The following SLC44A5 variants were observed in gnomAD, a reference collection of about 807,000 sequenced individuals.
SLC44A5 encodes the protein choline transporter-like protein 5.
A neutral mutation model predicts 101.8 loss-of-function variants in SLC44A5; 57 were observed. The ratio of observed to expected loss-of-function variants is 0.56; its 90% CI spans 0.45 to 0.70. SLC44A5 has a LOEUF of 0.70. Among genes scored for constraint, SLC44A5 ranks in the 30% least tolerant of loss-of-function variants. The pLI is 0.00. For missense variants in SLC44A5, 737 were observed against 853.1 expected (o/e 0.86, Z 1.70); for synonymous variants, 281 against 290.9 (o/e 0.97, Z 0.35).
chr1:75,577,595 A>G (rs1673445115), intron 1 of SLC44A5, among the ~76,000 whole-genome samples: 1 of 152,192 alleles, frequency 6.6e-6, no homozygotes, highest in South Asian at 2.1e-4. Flanking sequence ...CCACATTCAT[A>G]CATCATACTC....
chr1:75,330,594 G>A (rs1264794108), intron 4 of SLC44A5, among the ~76,000 whole-genome samples: 1 of 151,912 alleles, frequency 6.6e-6, no homozygotes, highest in Non-Finnish European at 1.5e-5. Context: ...TGTCATCAGT[G>A]GCCTTCTAGA....
rs555841588 is a variant in SLC44A5 at position 75,465,339 on chromosome 1, C to A, written c.14-68718G>T. On this transcript the variant is annotated intron_variant, in intron 2 of 23. Coordinates refer to ENST00000370859, the MANE Select transcript of SLC44A5 (RefSeq NM_001130058.2). ...TGGGCCAATGAAGAAATTAAGAACACTGAAAATTTCTTGAAACGAATGATA... is the reference window on the plus strand; with the variant it reads ...TGGGCCAATGAAGAAATTAAGAACAATGAAAATTTCTTGAAACGAATGATA... 5.9e-5 allele frequency among the ~76,000 whole-genome samples: 9 copies of A among 152,062 alleles called. No individual in the cohort carries two copies. In the East Asian group the frequency reaches 1.7e-3, roughly 29 times the overall value.
At chr1:75,335,543 T>A (rs867143966) in intron 4 of SLC44A5, among the ~76,000 whole-genome samples, 1 of 152,134 alleles carries the variant, frequency 6.6e-6, no homozygotes, top group African/African-American at 2.4e-5. Flanking sequence ...GAGAGCAGGA[T>A]CCTTACATAG....
intron 2 of SLC44A5, among the ~76,000 whole-genome samples, chr1:75,419,152 C>T (rs561353835): frequency 1.3e-5 from 2 of 151,826 alleles, no homozygotes; most frequent in South Asian, 2.1e-4. Flanking sequence ...CAAATACATA[C>T]AATAAGAATC....
At chr1:75,303,401 A>G (rs1654658469) in intron 4 of SLC44A5, among the ~76,000 whole-genome samples, 1 of 152,102 alleles carries the variant, frequency 6.6e-6, no homozygotes, top group Non-Finnish European at 1.5e-5. Context: ...ATGCCCGGCT[A>G]ATTTTTGTAT....
At chr1:75,310,436 T>C (rs1390855590) in intron 4 of SLC44A5, among the ~76,000 whole-genome samples, 1 of 152,200 alleles carries the variant, frequency 6.6e-6, no homozygotes, top group Non-Finnish European at 1.5e-5. Flanking sequence ...AGAAAGTCCC[T>C]CCTGGCAGTC....
At chr1:75,405,896 A>AG (rs1553174601) in intron 2 of SLC44A5, among the ~76,000 whole-genome samples, 1 of 147,610 alleles carries the variant, frequency 6.8e-6, no homozygotes, top group Non-Finnish European at 1.5e-5. Flanking sequence ...AAAAAAAAAA[A>AG]CCCTTTAAAA....
the SLC44A5 span, among the ~76,000 whole-genome samples, chr1:75,689,790 TC>T: frequency 3.4e-3 from 524 of 152,354 alleles, 2 homozygotes; most frequent in African/African-American, 0.012. Context: ...TTCCTACATT[TC>T]CTGGGACATT....
At chr1:75,451,056 G>A (rs1369473632) in intron 2 of SLC44A5, among the ~76,000 whole-genome samples, 1 of 152,180 alleles carries the variant, frequency 6.6e-6, no homozygotes, top group Non-Finnish European at 1.5e-5. Flanking sequence ...AGCCAAGGAG[G>A]TTTCCCAGCT....
chr1:75,438,721 T>C (rs1411963588), intron 2 of SLC44A5, among the ~76,000 whole-genome samples: 2 of 152,106 alleles, frequency 1.3e-5, no homozygotes, highest in African/African-American at 4.8e-5. Context: ...AGCCTGGGAC[T>C]CTTTCTGAAG....
At chr1:75,306,032 T>C (rs1171638686) in intron 4 of SLC44A5, among the ~76,000 whole-genome samples, 2 of 152,364 alleles carry the variant, frequency 1.3e-5, no homozygotes, top group African/African-American at 2.4e-5. Context: ...TTACAATTTC[T>C]AAACAATTTT....
intron 5 of SLC44A5, among the ~76,000 whole-genome samples, chr1:75,299,387 C>T (rs1033043844): frequency 1.3e-5 from 2 of 152,084 alleles, no homozygotes; most frequent in Non-Finnish European, 2.9e-5. Flanking sequence ...AAATGACTTT[C>T]AGTTGGTGTT....
intron 1 of SLC44A5, among the ~76,000 whole-genome samples, chr1:75,573,106 C>T (rs553818776): frequency 6.6e-4 from 69 of 105,252 alleles, no homozygotes; most frequent in Admixed American, 2.7e-3. Flanking sequence ...CTGAGCTGAG[C>T]GACAGAGCAA....
At chr1:75,610,136 T>TACACACACACACACACACAC (rs144198306) in intron 1 of SLC44A5, among the ~76,000 whole-genome samples, 1 of 144,236 alleles carries the variant, frequency 6.9e-6, no homozygotes, top group African/African-American at 2.6e-5. Flanking sequence ...AGTCAAGAAA[T>TACACACACACACACACACAC]ACACACACAC....
In SLC44A5 at chr1:75,417,827, G is replaced by C. The variant is rs140328434; in HGVS notation, c.14-21206C>G. Among the ~76,000 whole-genome samples the C allele has an allele frequency of 1.6e-3, 239 of 152,350 alleles. 2 individuals carry two copies. Among genetic ancestry groups the C allele is most frequent in the African/African-American group, 5.4e-3 (224 of 41,576 alleles). On this transcript the variant is annotated intron_variant, in intron 2 of 23. Coordinates refer to ENST00000370859, the MANE Select transcript of SLC44A5 (RefSeq NM_001130058.2). ...CTTAAATCCATACTGAAAAGGATGG[G>C]AGGAAGGTTATGAACCAACAAAGGA...
chr1:75,543,698 C>CATAT (rs368645591), intron 1 of SLC44A5, among the ~76,000 whole-genome samples: 4,955 of 145,584 alleles, frequency 0.034, 123 homozygotes, highest in South Asian at 0.062. Context: ...CATATATATA[C>CATAT]ATATATATAT....
At chr1:75,530,912 T>C (rs1363925357) in intron 2 of SLC44A5, among the ~76,000 whole-genome samples, 11 of 152,170 alleles carry the variant, frequency 7.2e-5, no homozygotes, top group Admixed American at 5.9e-4. Flanking sequence ...GGTTGGGCAT[T>C]TGAACAGAAA....
At chr1:75,631,412 A>C in the SLC44A5 span, among the ~76,000 whole-genome samples, 1 of 152,042 alleles carries the variant, frequency 6.6e-6, no homozygotes, top group Non-Finnish European at 1.5e-5. Flanking sequence ...TCACTCTGTC[A>C]CTTAGACTGG....
intron 5 of SLC44A5, among the ~76,000 whole-genome samples, chr1:75,292,173 T>C (rs1570592340): frequency 6.6e-6 from 1 of 152,042 alleles, no homozygotes; most frequent in Non-Finnish European, 1.5e-5. Context: ...TTCAGGCAGG[T>C]CCTTATCTTC....
Sources: allele counts gnomAD v4.1 joint callset (sites outside exome capture counted in the v4.1 genomes callset), GRCh38; gene constraint gnomAD v4.1.1; transcripts MANE v1.5; gene names NCBI Gene and HGNC (gene_info 2026-07-23, HGNC 2026-07-21).